YJU2: variants seen among roughly 807,000 people sequenced by gnomAD.
YJU2 encodes the protein splicing factor YJU2.
YJU2 carries 28 observed loss-of-function variants against 39.6 expected under a neutral mutation model. The ratio of observed to expected loss-of-function variants is 0.71; its 90% CI spans 0.52 to 0.97. The LOEUF (loss-of-function observed/expected upper bound fraction) is 0.97, where lower values mean the gene tolerates loss of function less well. Ranked by LOEUF, YJU2 falls within the 50% of genes least tolerant of loss-of-function variation. YJU2 has a pLI of 0.00. For missense variants in YJU2, 328 were observed against 430.4 expected, an observed-to-expected ratio of 0.76 and a Z score of 2.11; for synonymous variants, 184 against 182.4, an observed-to-expected ratio of 1.01 and a Z score of -0.07.
chr19:4,267,665 C>T lies in YJU2; in HGVS notation c.750C>T (p.Ser250=), dbSNP rs768439157. 168 of 1,613,374 alleles carry T rather than the reference C, an allele frequency of 1.0e-4. No individual in the cohort carries two copies. The highest frequency in any genetic ancestry group is 8.4e-4 in the Middle Eastern group (5 of 5,928). ...GGAAGGTGGAGGTCTGGGAGCAGAG[C>T]GTTGGCAGCCTGGGCAGCCGGCCCC... ...PKRKVEVWEQ[S]VGSLGSRPPL... Residue 250 remains serine, a synonymous_variant, in exon 7 of 8, where the codon AGC becomes AGT. Transcript: ENST00000262962.
chr19:4,255,303 G>T (rs1454379481), intron 4 of YJU2, among the ~76,000 whole-genome samples: 1 of 152,106 alleles, frequency 6.6e-6, no homozygotes, highest in East Asian at 1.9e-4. Flanking sequence ...ATTAAAAGGA[G>T]CCATGCATGG....
At chr19:4,267,922 A>C in intron 7 of YJU2, 148 bp downstream of exon 7, 1 of 607,226 alleles carries the variant, frequency 1.6e-6, no homozygotes, top group Non-Finnish European at 2.7e-6. Context: ...TGAGCAGAGA[A>C]GGCAGGCGGC....
chr19:4,248,479 ACT>A (rs1970949358), intron 1 of YJU2, among the ~76,000 whole-genome samples: 1 of 151,934 alleles, frequency 6.6e-6, no homozygotes, highest in African/African-American at 2.4e-5. Flanking sequence ...CAGGGAGATG[ACT>A]CTGTAGGAAA....
chr19:4,249,076 T>A (rs1346887980), intron 1 of YJU2, 152 bp from the exon 2 acceptor site: 1 of 592,546 alleles, frequency 1.7e-6, no homozygotes, highest in Non-Finnish European at 3.1e-6. Flanking sequence ...TCCCTCTGAC[T>A]GTACTGAGTC....
intron 5 of YJU2, among the ~76,000 whole-genome samples, chr19:4,260,369 A>G (rs1382557796): frequency 6.6e-6 from 1 of 152,138 alleles, no homozygotes; most frequent in Admixed American, 6.6e-5. Context: ...CAGAGGTTAT[A>G]GTGAGCCGAG....
chr19:4,256,254 CAG>C (rs1157856195), intron 4 of YJU2, among the ~76,000 whole-genome samples: 1 of 146,640 alleles, frequency 6.8e-6, no homozygotes, highest in Non-Finnish European at 1.5e-5. Context: ...ATATATAAAA[CAG>C]ATTTTTAAAT....
intron 4 of YJU2, among the ~76,000 whole-genome samples, chr19:4,257,685 G>A (rs1971032722): frequency 6.6e-6 from 1 of 152,200 alleles, no homozygotes; most frequent in Non-Finnish European, 1.5e-5. Context: ...TGTTGGCCAG[G>A]CTGGTCTTGA....
chr19:4,258,230 C>T lies in YJU2; in HGVS notation c.406-12C>T, dbSNP rs750279116. On this transcript the variant is annotated splice_polypyrimidine_tract_variant and intron_variant, in intron 4 of 7. Coordinates refer to ENST00000262962, the MANE Select transcript of YJU2 (RefSeq NM_018074.6). ...CCCCATGCACTCAGCCCCGCCGCCCCGCGCCCGCCAGGTGCTGGAGAACCG... is the reference window on the plus strand; with the variant it reads ...CCCCATGCACTCAGCCCCGCCGCCCTGCGCCCGCCAGGTGCTGGAGAACCG... 2.7e-5 allele frequency: 42 copies of T among 1,550,530 alleles called. No homozygotes were observed. In the East Asian group the frequency reaches 5.1e-4, roughly 19 times the overall value.
At chr19:4,267,258 G>A (rs1568364706) in intron 6 of YJU2, among the ~76,000 whole-genome samples, 1 of 152,064 alleles carries the variant, frequency 6.6e-6, no homozygotes, top group African/African-American at 2.4e-5. Flanking sequence ...AACCATGATG[G>A]GCTTCTCAGA....
At position 4,247,107 on chromosome 19, in the gene YJU2, A is replaced by G. The variant is rs1328158725; in HGVS notation, c.-40A>G. The G allele has an allele frequency of 1.2e-6, 2 of 1,605,864 alleles. No homozygotes were observed. Among genetic ancestry groups the G allele is most frequent in the Middle Eastern group, 1.7e-4 (1 of 6,048 alleles). On this transcript the variant is annotated 5_prime_UTR_variant, in exon 1 of 8. Coordinates refer to ENST00000262962, the MANE Select transcript of YJU2 (RefSeq NM_018074.6). ...AAAAGCTCGATAATTACCCAGCCTA[A>G]CCATTTCTCAGGTGCTTGCGAGGTG...
intron 3 of YJU2, 41 bp downstream of exon 3, chr19:4,251,212 C>T (rs1260256320): frequency 1.2e-6 from 2 of 1,604,688 alleles, no homozygotes; most frequent in African/African-American, 2.7e-5. Flanking sequence ...TCTCCCCCAG[C>T]ACACCTCAGA....
Position 4,249,339 on chromosome 19 carries a change from C to G in YJU2, c.125+11C>G, listed in dbSNP as rs1375390128. 1.1e-5 allele frequency: 17 copies of G among 1,567,528 alleles called. No homozygotes were observed. The highest frequency in any genetic ancestry group is 1.4e-5 in the Non-Finnish European group (16 of 1,139,410). On this transcript the variant is annotated intron_variant, in intron 2 of 7. Coordinates refer to ENST00000262962, the MANE Select transcript of YJU2 (RefSeq NM_018074.6). ...CCCCTTCAACATGAGGTGAGCACCCCCTGCGTGACCCCACACACCAGTCAT... is the reference window on the plus strand; with the variant it reads ...CCCCTTCAACATGAGGTGAGCACCCGCTGCGTGACCCCACACACCAGTCAT...
chr19:4,256,671 G>A (rs1371773998), intron 4 of YJU2, among the ~76,000 whole-genome samples: 1 of 152,196 alleles, frequency 6.6e-6, no homozygotes, highest in African/African-American at 2.4e-5. Flanking sequence ...CTCCCATGAG[G>A]TTGCAGTCAA....
At chr19:4,249,599 C>T (rs962173800) in intron 2 of YJU2, among the ~76,000 whole-genome samples, 7 of 152,188 alleles carry the variant, frequency 4.6e-5, no homozygotes, top group Non-Finnish European at 8.8e-5. Context: ...GAGATGCAGC[C>T]CCATAGATAT....
chr19:4,254,616 A>C (rs1384343731), intron 4 of YJU2, 127 bp downstream of exon 4: 4 of 1,353,230 alleles, frequency 3.0e-6, no homozygotes, highest in Non-Finnish European at 3.9e-6. Context: ...GTGGTTGGTA[A>C]AACTTTAAGA....
At chr19:4,261,321 C>A (rs1355323566) in intron 5 of YJU2, among the ~76,000 whole-genome samples, 1 of 151,982 alleles carries the variant, frequency 6.6e-6, no homozygotes. Context: ...CGAAACCCCG[C>A]CTCTACTAAA....
At position 4,258,091 on chromosome 19, in the gene YJU2, G is replaced by A. The variant is rs996860260; in HGVS notation, c.406-151G>A. 2.4e-5 allele frequency: 28 copies of A among 1,155,832 alleles called. No individual in the cohort carries two copies. In the African/African-American group the frequency reaches 2.9e-4, roughly 12 times the overall value. 71.6% of individuals were successfully genotyped at this position (1,155,832 alleles called of 1,614,324 possible). ...TGTTCTCACCTGTGAAATGGACACA[G>A]CGCTGGGCATGGGCAGGGGGTTCCC... On this transcript the variant is annotated intron_variant, in intron 4 of 7. Transcript: ENST00000262962.
chr19:4,268,654 G>A lies in YJU2; in HGVS notation c.930G>A (p.Leu310=), dbSNP rs1971137480. Reference sequence around the variant, plus strand: ...CTGGCGCGTCCTCCCTGAGCCAACTGGGTGCATACCTGGACAGTGACGACA... The same window carrying A: ...CTGGCGCGTCCTCCCTGAGCCAACTAGGTGCATACCTGGACAGTGACGACA... ...LTPGASSLSQ[L]GAYLDSDDSN... is the part of the protein sequence containing the mutation. The change falls in exon 8 of 8, where the codon CTG becomes CTA. Residue 310 remains leucine, a synonymous_variant. Transcript: ENST00000262962. The A allele has an allele frequency of 5.6e-6, 9 of 1,613,948 alleles. No individual in the cohort carries two copies. Among genetic ancestry groups the A allele is most frequent in the Non-Finnish European group, 7.6e-6 (9 of 1,179,964 alleles).
intron 5 of YJU2, among the ~76,000 whole-genome samples, chr19:4,261,216 A>G (rs1312120625): frequency 1.3e-5 from 2 of 151,988 alleles, no homozygotes; most frequent in African/African-American, 4.8e-5. Context: ...TCTAAAAGAC[A>G]TTTTCTTTGA....
Sources: allele counts gnomAD v4.1 joint callset (sites outside exome capture counted in the v4.1 genomes callset), GRCh38; gene constraint gnomAD v4.1.1; transcripts MANE v1.5; gene names NCBI Gene and HGNC (gene_info 2026-07-23, HGNC 2026-07-21).